The following GABRA3 variants were observed in gnomAD, a reference collection of about 807,000 sequenced individuals.
GABRA3 encodes gamma-aminobutyric acid type A receptor subunit alpha3.
A neutral mutation model predicts 30.1 loss-of-function variants in GABRA3; 10 were observed. The ratio of observed to expected loss-of-function variants is 0.33; its 90% CI spans 0.20 to 0.56. GABRA3 has a LOEUF of 0.56. GABRA3 is among the 20% of genes least tolerant of loss of function. The pLI is 0.89. For missense variants in GABRA3, 233 were observed against 392.0 expected, an observed-to-expected ratio of 0.59 and a Z score of 3.42; for synonymous variants, 151 against 146.8, an observed-to-expected ratio of 1.03 and a Z score of -0.21.
chrX:152,307,076 A>G (rs1939730487), intron 3 of GABRA3, among the ~76,000 whole-genome samples: 1 of 111,033 alleles, frequency 9.0e-6, no homozygotes, highest in Non-Finnish European at 1.9e-5. Flanking sequence ...AAAGAAGCCT[A>G]TATCTAGTAG....
chrX:152,312,950 T>C (rs1046276256), intron 3 of GABRA3, among the ~76,000 whole-genome samples: 1 of 111,013 alleles, frequency 9.0e-6, no homozygotes, highest in Admixed American at 9.6e-5. Context: ...CCGACTGGTG[T>C]GAGATGGTAT....
intron 4 of GABRA3, among the ~76,000 whole-genome samples, chrX:152,268,413 TC>T (rs1446075254): frequency 2.7e-5 from 3 of 112,239 alleles, no homozygotes; most frequent in African/African-American, 9.7e-5. Flanking sequence ...CATGCCCTCT[TC>T]CCTGCCACCA....
chrX:152,333,592 A>G (rs1413155716), intron 3 of GABRA3, among the ~76,000 whole-genome samples: 1 of 111,958 alleles, frequency 8.9e-6, no homozygotes, highest in Non-Finnish European at 1.9e-5. Context: ...TCATATCTCT[A>G]CATAGCTATA....
At chrX:152,274,939 G>C in intron 4 of GABRA3, among the ~76,000 whole-genome samples, 1 of 104,096 alleles carries the variant, frequency 9.6e-6, no homozygotes, top group African/African-American at 3.5e-5. Flanking sequence ...AGGGAGAATT[G>C]TTATGGGTAG....
intron 4 of GABRA3, among the ~76,000 whole-genome samples, chrX:152,265,103 A>C (rs1938800460): frequency 9.0e-6 from 1 of 111,655 alleles, no homozygotes; most frequent in African/African-American, 3.2e-5. Flanking sequence ...ACAGACAATC[A>C]TCACATAAAC....
intron 3 of GABRA3, among the ~76,000 whole-genome samples, chrX:152,312,301 G>C (rs1269143221): frequency 4.5e-5 from 5 of 111,959 alleles, no homozygotes; most frequent in Non-Finnish European, 7.5e-5. Flanking sequence ...TAGACCAATA[G>C]AACATGCTAC....
chrX:152,196,060 C>A (rs937346864), intron 8 of GABRA3, among the ~76,000 whole-genome samples: 7 of 109,649 alleles, frequency 6.4e-5, no homozygotes, highest in East Asian at 2.8e-4. Flanking sequence ...CCTTTAATTT[C>A]TTTTAAGCTC....
At chrX:152,194,674 G>C (rs1937363141) in intron 8 of GABRA3, among the ~76,000 whole-genome samples, 1 of 111,582 alleles carries the variant, frequency 9.0e-6, no homozygotes, top group Non-Finnish European at 1.9e-5. Flanking sequence ...TTAAATCCAT[G>C]ATCAATCTCA....
chrX:152,403,380 GAAA>G (rs1929840822), intron 1 of GABRA3, among the ~76,000 whole-genome samples: 1 of 104,778 alleles, frequency 9.5e-6, no homozygotes, highest in Non-Finnish European at 1.9e-5. Context: ...ATAAAACTTA[GAAA>G]TATATATAAC....
At chrX:152,386,680 C>T (rs1412640552) in intron 1 of GABRA3, among the ~76,000 whole-genome samples, 5 of 108,032 alleles carry the variant, frequency 4.6e-5, no homozygotes, top group Non-Finnish European at 9.6e-5. Context: ...GAAATAGGAA[C>T]ACTTTTACAC....
At chrX:152,431,689 G>C (rs1194064075) in intron 1 of GABRA3, among the ~76,000 whole-genome samples, 1 of 111,634 alleles carries the variant, frequency 9.0e-6, no homozygotes, top group East Asian at 2.8e-4. Flanking sequence ...TAATCACAAG[G>C]GTCCTTAAAA....
At chrX:152,322,130 A>G (rs1331668146) in intron 3 of GABRA3, among the ~76,000 whole-genome samples, 1 of 112,458 alleles carries the variant, frequency 8.9e-6, no homozygotes, top group Non-Finnish European at 1.9e-5. Context: ...TGGTTTATCC[A>G]TACAATAGAA....
chrX:152,321,658 A>G (rs1361362960), intron 3 of GABRA3, among the ~76,000 whole-genome samples: 1 of 111,805 alleles, frequency 8.9e-6, no homozygotes, highest in Non-Finnish European at 1.9e-5. Context: ...AGTAGTAACA[A>G]AAGACTGCAG....
At chrX:152,438,940 CAA>C (rs781447653) in intron 1 of GABRA3, among the ~76,000 whole-genome samples, 125 of 109,857 alleles carry the variant, frequency 1.1e-3, no homozygotes, top group African/African-American at 3.9e-3. Context: ...CTGTAGAACA[CAA>C]AGAGTGTGCA....
At chrX:152,411,121 G>A (rs922882107) in intron 1 of GABRA3, among the ~76,000 whole-genome samples, 1 of 111,449 alleles carries the variant, frequency 9.0e-6, no homozygotes, top group African/African-American at 3.3e-5. Context: ...ACCAGCCTGG[G>A]TAACATAGTG....
At chrX:152,299,525 A>G (rs5970265) in intron 3 of GABRA3, among the ~76,000 whole-genome samples, 23,406 of 111,089 alleles carry the variant, frequency 0.21, 2,280 homozygotes, top group African/African-American at 0.38. Flanking sequence ...AGAATGTATC[A>G]GCAATGTCAT....
chrX:152,327,954 C>A (rs1179208666), intron 3 of GABRA3, among the ~76,000 whole-genome samples: 4 of 110,500 alleles, frequency 3.6e-5, no homozygotes, highest in African/African-American at 1.3e-4. Flanking sequence ...AGACTGCTAG[C>A]AAGACTAAAA....
intron 3 of GABRA3, among the ~76,000 whole-genome samples, chrX:152,296,364 T>C (rs1290958305): frequency 1.8e-5 from 2 of 112,133 alleles, no homozygotes; most frequent in South Asian, 3.7e-4. Context: ...CCATTTGTCA[T>C]TGGCAATATT....
At chrX:152,306,062 A>G (rs181781406) in intron 3 of GABRA3, among the ~76,000 whole-genome samples, 2 of 112,509 alleles carry the variant, frequency 1.8e-5, no homozygotes, top group East Asian at 5.6e-4. Context: ...AAGGAATCTG[A>G]ATACTCAATG....
Sources: allele counts gnomAD v4.1 joint callset (sites outside exome capture counted in the v4.1 genomes callset), GRCh38; gene constraint gnomAD v4.1.1; transcripts MANE v1.5; gene names NCBI Gene and HGNC (gene_info 2026-07-23, HGNC 2026-07-21).